Variants in EVC2 observed in about 807,000 individuals in gnomAD.
EVC2 encodes the protein EvC ciliary complex subunit 2.
EVC2 carries 148 observed loss-of-function variants against 149.3 expected under a neutral mutation model. The observed-to-expected ratio is 0.99, with a 90% CI of 0.87 to 1.14. The LOEUF is 1.14. EVC2 is among the 50% of genes most tolerant of loss of function. The probability of loss-of-function intolerance (pLI) is 0.00; values close to 1 mark genes in which losing one functional copy is unlikely to be tolerated. For synonymous variants in EVC2, 776 were observed against 649.9 expected (o/e 1.19, Z -2.95); for missense variants, 1,854 against 1,627.3 (o/e 1.14, Z -2.40).
chr4:5,594,727 T>G (rs1218684852), intron 16 of EVC2, among the ~76,000 whole-genome samples: 1 of 152,188 alleles, frequency 6.6e-6, no homozygotes, highest in Non-Finnish European at 1.5e-5. Context: ...GGAGAATGAC[T>G]TGGACGAGTT....
At chr4:5,631,468 C>T (rs1228101488) in intron 11 of EVC2, among the ~76,000 whole-genome samples, 1 of 152,188 alleles carries the variant, frequency 6.6e-6, no homozygotes, top group East Asian at 1.9e-4. Flanking sequence ...ATTTCCATCA[C>T]ACCCTCGTGG....
chr4:5,594,983 A>C (rs1014772415), intron 16 of EVC2, among the ~76,000 whole-genome samples: 8 of 152,206 alleles, frequency 5.3e-5, no homozygotes, highest in African/African-American at 1.9e-4. Context: ...GGAAGATGAA[A>C]TGAATGAAAT....
chr4:5,637,518 T>G lies in EVC2; in HGVS notation c.1470+2996A>C, dbSNP rs1003800234. 2.0e-5 allele frequency among the ~76,000 whole-genome samples: 3 copies of G among 152,220 alleles called. No individual in the cohort carries two copies. Among genetic ancestry groups the G allele is most frequent in the Non-Finnish European group, 2.9e-5 (2 of 68,040 alleles). On this transcript the variant is annotated intron_variant, in intron 10 of 21. Transcript: ENST00000344408. This position sits in a 1 kb window ranked among gnomAD's most constrained non-coding sequence, Gnocchi z 4.4. ...ATGCATGCTAAGGAAGGATGAGCTG[T>G]TATTGTTACACATCGTATTTTTTAA...
chr4:5,544,124 G>C (rs557339109), intron 21 of EVC2, among the ~76,000 whole-genome samples: 1 of 152,260 alleles, frequency 6.6e-6, no homozygotes, highest in African/African-American at 2.4e-5. Context: ...GAGACACCCT[G>C]CGGTCACCTG....
intron 1 of EVC2, among the ~76,000 whole-genome samples, chr4:5,704,191 C>T (rs923120278): frequency 5.9e-5 from 9 of 152,080 alleles, no homozygotes; most frequent in African/African-American, 1.9e-4. Context: ...GTCAGTCAGG[C>T]GGCTCCACAA....
Position 5,618,522 on chromosome 4 carries a change from C to G in EVC2, c.2662G>C (p.Glu888Gln). 1.2e-6 allele frequency: 2 copies of G among 1,613,992 alleles called. No individual in the cohort carries two copies. Among genetic ancestry groups the G allele is most frequent in the Non-Finnish European group, 8.5e-7 (1 of 1,180,042 alleles). ...QQFQTAWREA[E>Q]FVKLDQAVAA... ...ACGGCCTGGTCCAGCTTCACGAACT[C>G]TGCTTCTCGCCACGCAGTCTGAAAT... The change falls in exon 15 of 22, where the codon GAG (glutamate) becomes CAG (glutamine). Residue 888 changes from glutamate to glutamine, a missense_variant. Transcript: ENST00000344408. The surrounding 1 kb of genome is among the most constrained non-coding windows in gnomAD (Gnocchi z 4.4).
chr4:5,588,876 G>A (rs1002679781), intron 16 of EVC2, among the ~76,000 whole-genome samples: 2 of 152,152 alleles, frequency 1.3e-5, no homozygotes, highest in Non-Finnish European at 2.9e-5. Context: ...TCAGAACTTG[G>A]TGATGCCCTT....
rs1577281809 is a variant in EVC2 at position 5,706,445 on chromosome 4, G to GATACATAGATAGATAGATAGATAC, written c.228+1840_228+1841insGTATCTATCTATCTATCTATGTAT. 1.9e-4 allele frequency among the ~76,000 whole-genome samples: 5 copies of GATACATAGATAGATAGATAGATAC among 25,762 alleles called. 2 individuals are homozygous for GATACATAGATAGATAGATAGATAC. Among genetic ancestry groups the GATACATAGATAGATAGATAGATAC allele is most frequent in the East Asian group, 3.3e-3 (2 of 612 alleles). The allele number at this position is 25,762 out of a possible 152,430, so 16.9% of individuals were successfully genotyped here. A position where few individuals can be genotyped will look rare whatever the true frequency, so the allele number is the denominator to read the frequency against. ...AGATAGATACATAGATAGATAGATA[G>GATACATAGATAGATAGATAGATAC]ATACATACATACATACATACATACA... On this transcript the variant is annotated intron_variant, in intron 1 of 21. Transcript: ENST00000344408.
Position 5,584,715 on chromosome 4 carries a change from G to T in EVC2, c.2965C>A (p.Leu989Ile), listed in dbSNP as rs1266534048. The T allele has an allele frequency of 6.2e-7, 1 of 1,614,200 alleles. No homozygotes were observed. Among genetic ancestry groups the T allele is most frequent in the Admixed American group, 1.7e-5 (1 of 60,036 alleles). The change falls in exon 17 of 22, where the codon CTC becomes ATC. Residue 989 changes from leucine (L) to isoleucine (I), a missense_variant. Leu to Ile is a conservative substitution (Grantham distance 5). Transcript: ENST00000344408. ...TETLSAYTAL[L>I]SIQDLLLEEL... ...TCCAGGAGCAAGTCCTGGATGCTGA[G>T]GAGGGCGGTGTAGGCCGACAGAGTC...
chr4:5,595,390 C>G (rs536816080), intron 16 of EVC2, among the ~76,000 whole-genome samples: 136 of 152,306 alleles, frequency 8.9e-4, no homozygotes, highest in African/African-American at 3.1e-3. Context: ...CTCTACAAGC[C>G]AGAAGAGAGT....
chr4:5,555,711 C>T lies in EVC2; in HGVS notation c.3419+9547G>A, dbSNP rs567456006. Among the ~76,000 whole-genome samples, 7 of 152,152 alleles carry T rather than the reference C, an allele frequency of 4.6e-5. No individual in the cohort carries two copies. The South Asian group carries it at 1.2e-3, about 27-fold the overall frequency. On this transcript the variant is annotated intron_variant and NMD_transcript_variant, in intron 21 of 22. Transcript: ENST00000475313. ...TACTATAGTTGGAAACTCCAACAGC[C>T]CTCCTTCAGTAATTCATAGATCAAG...
intron 9 of EVC2, among the ~76,000 whole-genome samples, chr4:5,648,466 G>A (rs1394851800): frequency 6.6e-6 from 1 of 152,128 alleles, no homozygotes; most frequent in Admixed American, 6.5e-5. Context: ...GTGCTTTACC[G>A]GTGGTTTGCT....
rs781522284 is a variant in EVC2 at position 5,640,062 on chromosome 4, G to C, written c.1470+452C>G. On this transcript the variant is annotated intron_variant, in intron 10 of 21. Coordinates refer to ENST00000344408, the MANE Select transcript of EVC2 (RefSeq NM_147127.5). This position sits in a 1 kb window ranked among gnomAD's most constrained non-coding sequence, Gnocchi z 4.6. Reference sequence around the variant, plus strand: ...AGATGGGTGGACGGGTAGATGGAGGGGAAGCATGGGTGAATGGGTAAATGG... The same window carrying C: ...AGATGGGTGGACGGGTAGATGGAGGCGAAGCATGGGTGAATGGGTAAATGG... Among the ~76,000 whole-genome samples, 77 of 151,848 alleles carry C rather than the reference G, an allele frequency of 5.1e-4. No individual in the cohort carries two copies. Among genetic ancestry groups the C allele is most frequent in the Admixed American group, 7.9e-4 (12 of 15,238 alleles).
chr4:5,631,875 G>A lies in EVC2; in HGVS notation c.1628C>T (p.Thr543Ile), dbSNP rs748768843. 12 of 1,614,206 alleles carry A rather than the reference G, an allele frequency of 7.4e-6. No individual in the cohort carries two copies. The South Asian group carries it at 1.1e-4, about 15-fold the overall frequency. The change falls in exon 11 of 22, where the codon ACC becomes ATC. Residue 543 changes from threonine to isoleucine, a missense_variant. By Grantham distance (89) the Thr-to-Ile change is moderately conservative. Transcript: ENST00000344408. ...TTTGAAAATAGCACTTTTTATCTGG[G>A]TAAAAAAGATACTGTGCAGTTCATT... ...QRNELHSIFF[T>I]QIKSAIFKGE...
At chr4:5,690,250 A>G (rs115787410) in intron 4 of EVC2, among the ~76,000 whole-genome samples, 167 of 152,324 alleles carry the variant, frequency 1.1e-3, no homozygotes, top group African/African-American at 3.9e-3. Flanking sequence ...AGGGCCTGTG[A>G]TAAAATGAGG....
rs140800339 is a variant in EVC2, at chr4:5,665,596, G to A, written c.924C>T (p.Leu308=). Residue 308 remains leucine, a synonymous_variant, in exon 8 of 22, where the codon CTC becomes CTT. Transcript: ENST00000344408. The part of the protein sequence containing the change: ...HAAGFFIAFL[L]SLVLTWAALF... ...GGGCAGCCCAGGTCAGCACAAGGGA[G>A]AGGAGGAAGGCAATGAAGAACCCTG... is the stretch of plus-strand genomic sequence containing the variant. 2.2e-5 allele frequency: 35 copies of A among 1,614,124 alleles called. No individual in the cohort carries two copies. The highest frequency in any genetic ancestry group is 3.3e-5 in the Admixed American group (2 of 60,018).
At position 5,677,606 on chromosome 4, in the gene EVC2, G is replaced by A. The variant is rs1409410009; in HGVS notation, c.870+3654C>T. On this transcript the variant is annotated intron_variant, in intron 7 of 21. Transcript: ENST00000344408. The surrounding 1 kb of genome is among the most constrained non-coding windows in gnomAD (Gnocchi z 4.3). Reference sequence around the variant, plus strand: ...AATTCCATCCATAAGTGAGCCTGCGGCATCGGGGAAGAGCTCAGAAATACC... The same window carrying A: ...AATTCCATCCATAAGTGAGCCTGCGACATCGGGGAAGAGCTCAGAAATACC... 1.3e-5 allele frequency among the ~76,000 whole-genome samples: 2 copies of A among 152,212 alleles called. No individual in the cohort carries two copies. The highest frequency in any genetic ancestry group is 4.8e-5 in the African/African-American group (2 of 41,454).
chr4:5,602,714 G>A (rs1035047393), intron 16 of EVC2, among the ~76,000 whole-genome samples: 2 of 152,204 alleles, frequency 1.3e-5, no homozygotes, highest in Admixed American at 1.3e-4. Context: ...CATAAATACT[G>A]ACCTAAATAT....
In EVC2 at chr4:5,686,096, ACACACAC is replaced by A. The variant is rs1560224721; in HGVS notation, c.707-624_707-618del. ...ACATATATACACACACATATATATT[ACACACAC>A]ACACACACACACACACACACACACA... On this transcript the variant is annotated intron_variant, in intron 5 of 21. Transcript: ENST00000344408. The surrounding 1 kb of genome is among the most constrained non-coding windows in gnomAD (Gnocchi z 5.4). 1.7e-4 allele frequency among the ~76,000 whole-genome samples: 9 copies of A among 54,480 alleles called. No homozygotes were observed. The highest frequency in any genetic ancestry group is 7.2e-4 in the African/African-American group (6 of 8,284). 35.7% of individuals were successfully genotyped at this position (54,480 alleles called of 152,430 possible).
Sources: allele counts gnomAD v4.1 joint callset (sites outside exome capture counted in the v4.1 genomes callset), GRCh38; gene constraint gnomAD v4.1.1; non-coding constraint Gnocchi (gnomAD v3.1); transcripts MANE v1.5; gene names NCBI Gene and HGNC (gene_info 2026-07-23, HGNC 2026-07-21).